PRKACB: variants seen among roughly 807,000 people sequenced by gnomAD.
PRKACB encodes cAMP-dependent protein kinase catalytic subunit beta.
PRKACB carries 16 observed loss-of-function variants against 51.4 expected under a neutral mutation model. The observed-to-expected ratio is 0.31, with a 90% CI of 0.21 to 0.47. The LOEUF (loss-of-function observed/expected upper bound fraction) is 0.47, where lower values mean the gene tolerates loss of function less well. Among genes scored for constraint, PRKACB ranks in the 20% least tolerant of loss-of-function variants. The probability of loss-of-function intolerance (pLI) is 1.00; values close to 1 mark genes in which losing one functional copy is unlikely to be tolerated. For synonymous variants in PRKACB, 147 were observed against 154.4 expected, an observed-to-expected ratio of 0.95 and a Z score of 0.35; for missense variants, 309 against 464.5, an observed-to-expected ratio of 0.67 and a Z score of 3.08.
chr1:84,143,838 A>G (rs1485936026), upstream of PRKACB, among the ~76,000 whole-genome samples: 1 of 152,034 alleles, frequency 6.6e-6, no homozygotes, highest in East Asian at 1.9e-4. Context: ...GTTTTGCAAG[A>G]GTTTTTTCAT....
chr1:84,232,910 T>A (rs1167969731), intron 9 of PRKACB, among the ~76,000 whole-genome samples: 1 of 152,196 alleles, frequency 6.6e-6, no homozygotes, highest in Non-Finnish European at 1.5e-5. Flanking sequence ...TTAGTCCATT[T>A]ACATTTAAAG....
At chr1:84,078,256 A>G in exon 1 of PRKACB, 1 of 1,544,058 alleles carries the variant, frequency 6.5e-7, no homozygotes, top group Non-Finnish European at 8.8e-7. Flanking sequence ...GTTGTCCCAG[A>G]CTGTGGAGTG....
At chr1:84,104,559 G>A (rs1649587322) in intron 1 of PRKACB, among the ~76,000 whole-genome samples, 1 of 152,032 alleles carries the variant, frequency 6.6e-6, no homozygotes, top group Non-Finnish European at 1.5e-5. Flanking sequence ...CTTCCATACT[G>A]TTCCATAATG....
chr1:84,163,488 C>T (rs372693110), intron 1 of PRKACB, among the ~76,000 whole-genome samples: 6 of 152,032 alleles, frequency 3.9e-5, no homozygotes, highest in African/African-American at 1.2e-4. Context: ...CACTTCAAAT[C>T]AAATCAGCCC....
At chr1:84,177,975 A>G (rs1181324755) in intron 1 of PRKACB, among the ~76,000 whole-genome samples, 1 of 152,090 alleles carries the variant, frequency 6.6e-6, no homozygotes, top group African/African-American at 2.4e-5. Context: ...GACAGTTTAT[A>G]GAAAGTACTA....
In PRKACB at chr1:84,226,819, A is replaced by G. The variant is rs1674689156; in HGVS notation, c.1072-8361A>G. On this transcript the variant is annotated intron_variant, in intron 9 of 9. Transcript: ENST00000370685. ...TGGAAGTGCCCAAGAATATACTTTC[A>G]GGGATCATTTCTATAATTTGTTGCC... Among the ~76,000 whole-genome samples the G allele has an allele frequency of 2.0e-5, 3 of 152,172 alleles. No homozygotes were observed. The South Asian group carries it at 6.2e-4, about 31-fold the overall frequency.
intron 1 of PRKACB, among the ~76,000 whole-genome samples, chr1:84,080,092 A>G (rs1031307476): frequency 9.2e-5 from 14 of 152,254 alleles, no homozygotes; most frequent in East Asian, 5.8e-4. Context: ...TTAAAGCTCT[A>G]TTAACTTAAA....
chr1:84,222,916 A>T (rs980916963), intron 9 of PRKACB, among the ~76,000 whole-genome samples: 1 of 152,050 alleles, frequency 6.6e-6, no homozygotes, highest in East Asian at 1.9e-4. Flanking sequence ...ATGTGACTTG[A>T]TGCTTTTCTC....
intron 1 of PRKACB, among the ~76,000 whole-genome samples, chr1:84,121,547 C>T (rs1179797701): frequency 2.0e-5 from 3 of 152,076 alleles, no homozygotes; most frequent in African/African-American, 7.2e-5. Context: ...TGGTGCCACT[C>T]CATTAGCACC....
chr1:84,217,262 A>G (rs2101599735), intron 9 of PRKACB, among the ~76,000 whole-genome samples: 1 of 152,324 alleles, frequency 6.6e-6, no homozygotes. Context: ...TTATTAAGCA[A>G]ATGAATTTGA....
At chr1:84,176,272 C>T (rs1366373971) in intron 1 of PRKACB, among the ~76,000 whole-genome samples, 1 of 151,832 alleles carries the variant, frequency 6.6e-6, no homozygotes, top group African/African-American at 2.4e-5. Flanking sequence ...CTGTCTCTGT[C>T]ACATCTTATT....
At chr1:84,080,041 GA>G in intron 1 of PRKACB, among the ~76,000 whole-genome samples, 1 of 152,212 alleles carries the variant, frequency 6.6e-6, no homozygotes, top group Non-Finnish European at 1.5e-5. Flanking sequence ...AAAGTATAAA[GA>G]ATTATTTTTA....
intron 1 of PRKACB, among the ~76,000 whole-genome samples, chr1:84,153,528 T>C (rs1283470746): frequency 6.6e-6 from 1 of 152,182 alleles, no homozygotes; most frequent in African/African-American, 2.4e-5. Context: ...AAGTGAAATT[T>C]TGTACCCTTT....
intron 1 of PRKACB, among the ~76,000 whole-genome samples, chr1:84,157,778 A>G (rs989919108): frequency 2.6e-5 from 4 of 152,192 alleles, no homozygotes; most frequent in African/African-American, 9.6e-5. Flanking sequence ...TGGATATAAT[A>G]CATTTTGTTT....
intron 1 of PRKACB, among the ~76,000 whole-genome samples, chr1:84,158,229 G>C (rs1655754159): frequency 6.6e-6 from 1 of 151,996 alleles, no homozygotes. Flanking sequence ...GTAGACATGG[G>C]GTTTTACTAT....
Position 84,236,059 on chromosome 1 carries a change from G to C in PRKACB, c.*754G>C, listed in dbSNP as rs1676632638. On this transcript the variant is annotated 3_prime_UTR_variant, in exon 10 of 10. Transcript: ENST00000370685. Reference sequence around the variant, plus strand: ...TTCAGCAGGAAAAACTAATGATATGGATCATCACCCAGATTCTCTCACTTG... The same window carrying C: ...TTCAGCAGGAAAAACTAATGATATGCATCATCACCCAGATTCTCTCACTTG... 6.6e-6 allele frequency: 1 copy of C among 152,538 alleles called. No homozygotes were observed. The allele number at this position is 152,538 out of a possible 1,614,324, so 9.4% of individuals were successfully genotyped here. A position where few individuals can be genotyped will look rare whatever the true frequency, so the allele number is the denominator to read the frequency against.
intron 9 of PRKACB, among the ~76,000 whole-genome samples, chr1:84,230,584 T>C (rs1675464005): frequency 6.6e-6 from 1 of 152,088 alleles, no homozygotes; most frequent in Non-Finnish European, 1.5e-5. Context: ...TTCTTCCATT[T>C]GTTTGTATCT....
At chr1:84,132,276 A>G (rs1557990627) in intron 1 of PRKACB, among the ~76,000 whole-genome samples, 2 of 116,528 alleles carry the variant, frequency 1.7e-5, no homozygotes, top group African/African-American at 2.9e-5. Context: ...AGTTGCAAGA[A>G]TGGACTCTTT....
chr1:84,130,750 A>G lies in PRKACB; in HGVS notation c.47-48427A>G, dbSNP rs144395622. Among the ~76,000 whole-genome samples the G allele has an allele frequency of 6.4e-3, 980 of 152,358 alleles. 4 individuals are homozygous for G. Among genetic ancestry groups the G allele is most frequent in the Non-Finnish European group, 0.011 (740 of 68,034 alleles). ...GAAACCAAAGAGATAATTCATCAAC[A>G]GCAATGCTGCTTTAAAAGAAATGCT... On this transcript the variant is annotated intron_variant, in intron 1 of 8. Transcript: ENST00000370688.
Sources: gnomAD v4.1 joint callset for allele counts (sites outside exome capture counted in the v4.1 genomes callset) on GRCh38, gnomAD v4.1.1 for gene constraint, MANE v1.5 for transcripts, NCBI Gene and HGNC (gene_info 2026-07-23, HGNC 2026-07-21) for gene names.